The following CELF2 variants were observed in gnomAD, a reference collection of about 807,000 sequenced individuals.
CELF2 encodes CUGBP Elav-like family member 2, also known as CUG triplet repeat RNA-binding protein 2.
Under a neutral mutation model 62.6 loss-of-function variants are expected in CELF2, and 8 were observed. That is an observed-to-expected ratio of 0.13 (90% CI 0.07 to 0.23). CELF2 has a LOEUF of 0.23. Among genes scored for constraint, CELF2 ranks in the 10% least tolerant of loss-of-function variants. The pLI, the probability that CELF2 is intolerant of heterozygous loss-of-function variation, is 1.00. For missense variants in CELF2, 333 were observed against 671.0 expected (o/e 0.50, Z 5.56); for synonymous variants, 258 against 250.0 (o/e 1.03, Z -0.30).
chr10:10,908,499 C>T (rs941404863), intron 1 of CELF2, among the ~76,000 whole-genome samples: 6 of 152,004 alleles, frequency 3.9e-5, no homozygotes, highest in Admixed American at 3.9e-4. Context: ...GGATTACAGG[C>T]ATGAGCCACC....
intron 8 of CELF2, among the ~76,000 whole-genome samples, chr10:11,278,816 C>CT (rs1191843170): frequency 6.6e-6 from 1 of 152,158 alleles, no homozygotes; most frequent in African/African-American, 2.4e-5. Context: ...TCACAACAAC[C>CT]TGATGAAGTA....
chr10:10,796,814 A>G (rs2054164985), upstream of CELF2: 2 of 815,408 alleles, frequency 2.5e-6, no homozygotes, highest in Non-Finnish European at 3.0e-6. Flanking sequence ...ATGTTTGCAC[A>G]TGATTACGCT....
At chr10:11,128,142 C>T (rs575269454) in intron 1 of CELF2, among the ~76,000 whole-genome samples, 96 of 152,154 alleles carry the variant, frequency 6.3e-4, no homozygotes, top group African/African-American at 1.9e-3. Flanking sequence ...TAGGAAATCC[C>T]TTCCCCATTG....
At chr10:11,143,629 T>G (rs2061734414) in intron 1 of CELF2, among the ~76,000 whole-genome samples, 1 of 152,224 alleles carries the variant, frequency 6.6e-6, no homozygotes, top group Admixed American at 6.5e-5. Flanking sequence ...TATCTCACGT[T>G]GAGAACTTCA....
At chr10:10,715,266 T>G in the CELF2 span, among the ~76,000 whole-genome samples, 1 of 152,202 alleles carries the variant, frequency 6.6e-6, no homozygotes, top group Admixed American at 6.5e-5. Flanking sequence ...TTTTGCTTTT[T>G]CAGTAACTGG....
chr10:10,487,145 G>A, the CELF2 span, among the ~76,000 whole-genome samples: 1 of 152,112 alleles, frequency 6.6e-6, no homozygotes, highest in Non-Finnish European at 1.5e-5. Context: ...TCAGCAAATG[G>A]GGATGCTGCA....
chr10:11,154,150 G>A (rs2063849692), intron 1 of CELF2, among the ~76,000 whole-genome samples: 2 of 152,190 alleles, frequency 1.3e-5, no homozygotes, highest in African/African-American at 2.4e-5. Flanking sequence ...TAGTATAACA[G>A]CCATTATAAT....
the CELF2 span, among the ~76,000 whole-genome samples, chr10:10,750,740 G>A: frequency 6.6e-6 from 1 of 152,218 alleles, no homozygotes; most frequent in Admixed American, 6.5e-5. Flanking sequence ...ACAAATTCTA[G>A]CCCTGGTGAT....
chr10:11,144,851 C>T (rs562132709), intron 1 of CELF2, among the ~76,000 whole-genome samples: 1 of 136,634 alleles, frequency 7.3e-6, no homozygotes, highest in East Asian at 2.5e-4. Context: ...ATGATTGTGT[C>T]ACTGCACTTA....
At chr10:11,205,691 T>A (rs1163051087) in intron 2 of CELF2, among the ~76,000 whole-genome samples, 7 of 152,194 alleles carry the variant, frequency 4.6e-5, no homozygotes, top group Non-Finnish European at 1.0e-4. Flanking sequence ...GTATCTGCCA[T>A]GAGAACTCAG....
At chr10:10,629,865 AAAAAAAAAAAAG>A in the CELF2 span, among the ~76,000 whole-genome samples, 98 of 135,312 alleles carry the variant, frequency 7.2e-4, 2 homozygotes, top group African/African-American at 2.5e-3. Flanking sequence ...GAAGACCAAA[AAAAAAAAAAAAG>A]AAAAAAAAAA....
chr10:10,894,034 A>G (rs2062358854), intron 1 of CELF2, among the ~76,000 whole-genome samples: 1 of 152,194 alleles, frequency 6.6e-6, no homozygotes, highest in African/African-American at 2.4e-5. Context: ...TATGTTAACC[A>G]TAACAGAAAT....
chr10:10,748,474 C>A, the CELF2 span, among the ~76,000 whole-genome samples: 1 of 151,964 alleles, frequency 6.6e-6, no homozygotes. Flanking sequence ...TGGGGTCTGG[C>A]GCGGTGGCTC....
chr10:10,948,010 G>T (rs2047890051), intron 2 of CELF2, among the ~76,000 whole-genome samples: 1 of 152,194 alleles, frequency 6.6e-6, no homozygotes, highest in Non-Finnish European at 1.5e-5. Context: ...CACACTGTGT[G>T]GGTGCCCACT....
chr10:10,886,542 A>G (rs2061760493), intron 1 of CELF2, among the ~76,000 whole-genome samples: 1 of 152,316 alleles, frequency 6.6e-6, no homozygotes, highest in Admixed American at 6.5e-5. Context: ...TATGTGCATT[A>G]AAAAAGGAAA....
In CELF2 at chr10:11,018,089, C is replaced by A. The variant is rs748543246; in HGVS notation, c.-1C>A. On this transcript the variant is annotated 5_prime_UTR_variant, in exon 1 of 13. Coordinates refer to ENST00000633077, the MANE Select transcript of CELF2 (RefSeq NM_001326342.2). Reference sequence around the variant, plus strand: ...CGCTGCCGCCGCGTGCGCCCGCGAACATGACTTCTGCCTTCAAGCTGGATT... The same window carrying A: ...CGCTGCCGCCGCGTGCGCCCGCGAAAATGACTTCTGCCTTCAAGCTGGATT... 4 of 1,481,792 alleles carry A rather than the reference C, an allele frequency of 2.7e-6. No homozygotes were observed. The African/African-American group carries it at 5.9e-5, about 22-fold the overall frequency. 91.8% of individuals were successfully genotyped at this position (1,481,792 alleles called of 1,614,324 possible).
At chr10:10,920,121 C>G (rs1232030461) in intron 2 of CELF2, 2 of 626,002 alleles carry the variant, frequency 3.2e-6, no homozygotes, top group African/African-American at 3.8e-5. Flanking sequence ...ATTTTGATAC[C>G]TCATACATCA....
At chr10:10,516,396 A>G in the CELF2 span, among the ~76,000 whole-genome samples, 1 of 152,222 alleles carries the variant, frequency 6.6e-6, no homozygotes, top group East Asian at 1.9e-4. Flanking sequence ...TATATAAAAA[A>G]TGTAAAATAC....
intron 3 of CELF2, among the ~76,000 whole-genome samples, chr10:11,222,515 G>A (rs937475891): frequency 2.6e-5 from 4 of 152,188 alleles, no homozygotes; most frequent in African/African-American, 9.7e-5. Flanking sequence ...AGTCCTCGAA[G>A]TCTTGTGCCA....
Sources: allele counts gnomAD v4.1 joint callset (sites outside exome capture counted in the v4.1 genomes callset), GRCh38; gene constraint gnomAD v4.1.1; transcripts MANE v1.5; gene names NCBI Gene and HGNC (gene_info 2026-07-23, HGNC 2026-07-21).